The following PLXDC2 variants were observed in gnomAD, a reference collection of about 807,000 sequenced individuals.
PLXDC2 encodes plexin domain-containing protein 2.
PLXDC2 carries 40 observed loss-of-function variants against 68.9 expected under a neutral mutation model. The ratio of observed to expected loss-of-function variants is 0.58; its 90% CI spans 0.45 to 0.76. The LOEUF (loss-of-function observed/expected upper bound fraction) is 0.76, where lower values mean the gene tolerates loss of function less well. Ranked by LOEUF, PLXDC2 falls within the 30% of genes least tolerant of loss-of-function variation. The pLI, the probability that PLXDC2 is intolerant of heterozygous loss-of-function variation, is 0.00. For missense variants in PLXDC2, 644 were observed against 661.9 expected, an observed-to-expected ratio of 0.97 and a Z score of 0.30; for synonymous variants, 243 against 234.2, an observed-to-expected ratio of 1.04 and a Z score of -0.34.
intron 13 of PLXDC2, among the ~76,000 whole-genome samples, chr10:20,257,997 C>CTTTCTTTT (rs1835763468): frequency 2.4e-5 from 2 of 84,360 alleles, no homozygotes; most frequent in African/African-American, 8.9e-5. Flanking sequence ...TTTTTTCTTT[C>CTTTCTTTT]TTTTTTTTTT....
chr10:20,177,177 T>C, intron 8 of PLXDC2, 83 bp downstream of exon 8: 1 of 1,358,272 alleles, frequency 7.4e-7, no homozygotes, highest in Non-Finnish European at 1.0e-6. Flanking sequence ...AATAATCATA[T>C]TAAATAATTA....
chr10:20,161,892 G>A (rs1401422651), intron 6 of PLXDC2, among the ~76,000 whole-genome samples: 6 of 151,808 alleles, frequency 4.0e-5, no homozygotes, highest in African/African-American at 9.7e-5. Flanking sequence ...TTAGCTGGGC[G>A]CAGTGTCACT....
intron 1 of PLXDC2, among the ~76,000 whole-genome samples, chr10:19,832,138 AC>A (rs1836705699): frequency 6.6e-6 from 1 of 152,222 alleles, no homozygotes; most frequent in Admixed American, 6.5e-5. Context: ...TTTATTTAAT[AC>A]TTTTGTTTAT....
chr10:20,237,683 T>C (rs566763448), intron 12 of PLXDC2, among the ~76,000 whole-genome samples: 6 of 152,346 alleles, frequency 3.9e-5, no homozygotes, highest in Middle Eastern at 3.4e-3. Flanking sequence ...ACACTAACAT[T>C]TTCAGCATTT....
chr10:20,094,231 A>G (rs557620992), intron 4 of PLXDC2, among the ~76,000 whole-genome samples: 1 of 152,324 alleles, frequency 6.6e-6, no homozygotes, highest in South Asian at 2.1e-4. Context: ...ACATTGTTTG[A>G]AAGTAATTTG....
intron 13 of PLXDC2, among the ~76,000 whole-genome samples, chr10:20,255,202 TA>T (rs1211953802): frequency 6.7e-6 from 1 of 149,710 alleles, no homozygotes; most frequent in Non-Finnish European, 1.5e-5. Flanking sequence ...GATAGATAGA[TA>T]GATAGATAGA....
chr10:20,168,593 G>A (rs190239443), intron 7 of PLXDC2, among the ~76,000 whole-genome samples: 4 of 152,188 alleles, frequency 2.6e-5, no homozygotes, highest in African/African-American at 7.2e-5. Context: ...TGTATGTCTC[G>A]AAATCACTGT....
chr10:20,122,651 A>G (rs1833715669), intron 4 of PLXDC2, among the ~76,000 whole-genome samples: 1 of 152,100 alleles, frequency 6.6e-6, no homozygotes, highest in African/African-American at 2.4e-5. Flanking sequence ...GGTTCTGGAG[A>G]AATGTCTGGC....
chr10:19,848,085 T>C (rs1033766600), intron 1 of PLXDC2, among the ~76,000 whole-genome samples: 4 of 152,142 alleles, frequency 2.6e-5, no homozygotes, highest in African/African-American at 4.8e-5. Context: ...TTTAGGAGGC[T>C]GAGGCAGGAG....
intron 1 of PLXDC2, among the ~76,000 whole-genome samples, chr10:19,870,725 C>T (rs1241174565): frequency 6.6e-6 from 1 of 152,152 alleles, no homozygotes; most frequent in Non-Finnish European, 1.5e-5. Context: ...CACACCCAGC[C>T]TACTACTACT....
chr10:19,965,646 T>G (rs941021223), intron 1 of PLXDC2, among the ~76,000 whole-genome samples: 1 of 151,198 alleles, frequency 6.6e-6, no homozygotes, highest in African/African-American at 2.4e-5. Flanking sequence ...GTCAGGAAGC[T>G]TATTGTTGCA....
chr10:20,168,524 T>C (rs1041376787), intron 7 of PLXDC2, among the ~76,000 whole-genome samples: 2 of 152,196 alleles, frequency 1.3e-5, no homozygotes, highest in Non-Finnish European at 2.9e-5. Flanking sequence ...TTTCTGACTA[T>C]GTTGATGTGT....
intron 7 of PLXDC2, among the ~76,000 whole-genome samples, chr10:20,167,339 T>C (rs951118122): frequency 6.6e-6 from 1 of 152,146 alleles, no homozygotes; most frequent in African/African-American, 2.4e-5. Context: ...TGCATCTTTA[T>C]GCCAGAGATT....
intron 1 of PLXDC2, among the ~76,000 whole-genome samples, chr10:19,842,809 T>C (rs1015232749): frequency 1.3e-5 from 2 of 152,180 alleles, no homozygotes; most frequent in Non-Finnish European, 2.9e-5. Context: ...TGTGAATTCT[T>C]ATTAATATAG....
At chr10:20,209,213 T>C (rs1835034650) in intron 9 of PLXDC2, among the ~76,000 whole-genome samples, 1 of 152,122 alleles carries the variant, frequency 6.6e-6, no homozygotes, top group Non-Finnish European at 1.5e-5. Flanking sequence ...TACGGGAGAC[T>C]GGAGCTTATT....
chr10:20,169,781 T>C (rs59681023), intron 7 of PLXDC2, among the ~76,000 whole-genome samples: 6,463 of 152,202 alleles, frequency 0.042, 452 homozygotes, highest in African/African-American at 0.15. Flanking sequence ...ACGTTAACAC[T>C]CCCATGCAGG....
chr10:20,016,118 T>G (rs532084227), intron 2 of PLXDC2, among the ~76,000 whole-genome samples: 39 of 152,214 alleles, frequency 2.6e-4, no homozygotes, highest in Non-Finnish European at 4.1e-4. Flanking sequence ...ATGACTGGAC[T>G]GTTTCAAAAG....
intron 1 of PLXDC2, among the ~76,000 whole-genome samples, chr10:19,913,614 G>A (rs901512845): frequency 1.3e-5 from 2 of 152,030 alleles, no homozygotes; most frequent in African/African-American, 4.8e-5. Context: ...CGAAATGTAG[G>A]GTGAATGTGT....
intron 4 of PLXDC2, among the ~76,000 whole-genome samples, chr10:20,072,008 G>C (rs1462329627): frequency 6.6e-6 from 1 of 152,150 alleles, no homozygotes; most frequent in African/African-American, 2.4e-5. Flanking sequence ...GTTGGAATGA[G>C]TCTAGTGAAG....
Sources: allele counts gnomAD v4.1 joint callset (sites outside exome capture counted in the v4.1 genomes callset), GRCh38; gene constraint gnomAD v4.1.1; transcripts MANE v1.5; gene names NCBI Gene and HGNC (gene_info 2026-07-23, HGNC 2026-07-21).